Variants in TGFBR3 observed in about 807,000 individuals in gnomAD.
The protein encoded by TGFBR3 is transforming growth factor beta receptor type 3.
In TGFBR3, 46 loss-of-function variants were observed where a neutral mutation model predicts 87.9. The observed-to-expected ratio is 0.52, with a 90% CI of 0.41 to 0.67. TGFBR3 has a LOEUF of 0.67. TGFBR3 is among the 30% of genes least tolerant of loss of function. The pLI is 0.00. For missense variants in TGFBR3, 866 were observed against 1,041.9 expected, an observed-to-expected ratio of 0.83 and a Z score of 2.32; for synonymous variants, 381 against 391.6, an observed-to-expected ratio of 0.97 and a Z score of 0.32.
rs776465887 is a variant in TGFBR3, at chr1:91,805,687, CCCTGGGCCGCTG to C, written c.62-8228_62-8217del. Among the ~76,000 whole-genome samples the C allele has an allele frequency of 2.0e-3, 300 of 152,306 alleles. 4 individuals are homozygous for C. Among genetic ancestry groups the C allele is most frequent in the Non-Finnish European group, 1.8e-3 (121 of 68,014 alleles). ...CCACACTGTGAAGCACATGGTGGCT[CCCTGGGCCGCTG>C]CCTTGTGTGAGAAGCTGGGGGTTAA... On this transcript the variant is annotated intron_variant, in intron 2 of 16. Coordinates refer to ENST00000212355, the MANE Select transcript of TGFBR3 (RefSeq NM_003243.5).
chr1:91,814,013 G>A (rs919087268), intron 2 of TGFBR3, among the ~76,000 whole-genome samples: 8 of 152,152 alleles, frequency 5.3e-5, no homozygotes, highest in South Asian at 2.1e-4. Context: ...TCACTCACCC[G>A]CTGCTCACCT....
At chr1:91,881,887 A>C (rs1234764497) in intron 1 of TGFBR3, among the ~76,000 whole-genome samples, 1 of 151,702 alleles carries the variant, frequency 6.6e-6, no homozygotes, top group Non-Finnish European at 1.5e-5. Flanking sequence ...AAAATATAAA[A>C]AATTAGTCGG....
At chr1:91,739,161 T>C (rs918415032) in intron 4 of TGFBR3, among the ~76,000 whole-genome samples, 11 of 152,152 alleles carry the variant, frequency 7.2e-5, no homozygotes, top group Admixed American at 5.9e-4. Flanking sequence ...GTAAGGACTA[T>C]TGAAACATCT....
chr1:91,833,007 C>CAA lies in TGFBR3; in HGVS notation c.61+28462_61+28463dup, dbSNP rs1394507596. ...TGGGCCACAGAGCAAGAATCTGTCT[C>CAA]AAAAAAAAAAAAAAGCCAGGTGCAG... On this transcript the variant is annotated intron_variant, in intron 2 of 16. Transcript: ENST00000212355. 4.0e-5 allele frequency among the ~76,000 whole-genome samples: 4 copies of CAA among 98,864 alleles called. No individual in the cohort carries two copies. The East Asian group carries it at 1.0e-3, about 25-fold the overall frequency. 64.9% of individuals were successfully genotyped at this position (98,864 alleles called of 152,430 possible).
chr1:91,729,999 C>G, intron 5 of TGFBR3, 26 bp from the exon 6 acceptor site: 1 of 1,613,844 alleles, frequency 6.2e-7, no homozygotes, highest in Non-Finnish European at 8.5e-7. Context: ...GACAATCTGT[C>G]AAACCACTGA....
At chr1:91,800,093 T>C (rs1675543109) in intron 2 of TGFBR3, among the ~76,000 whole-genome samples, 1 of 151,588 alleles carries the variant, frequency 6.6e-6, no homozygotes. Flanking sequence ...AGCGACTCTT[T>C]ACAGAGACCC....
At chr1:91,697,976 T>G (rs951602684) in intron 15 of TGFBR3, 113 bp downstream of exon 15, 10 of 964,692 alleles carry the variant, frequency 1.0e-5, no homozygotes, top group Non-Finnish European at 1.7e-5. Context: ...GAAGGGGGAA[T>G]GAGAGCAGAA....
intron 7 of TGFBR3, 106 bp downstream of exon 7, chr1:91,727,553 T>C: frequency 7.0e-7 from 1 of 1,420,486 alleles, no homozygotes; most frequent in Non-Finnish European, 9.9e-7. Flanking sequence ...TGACAGAGCT[T>C]AGAGAGTCCA....
At chr1:91,868,690 T>C (rs966491654) in intron 1 of TGFBR3, among the ~76,000 whole-genome samples, 4 of 152,170 alleles carry the variant, frequency 2.6e-5, no homozygotes, top group Non-Finnish European at 5.9e-5. Context: ...AAGCTGTAAT[T>C]ATTCGAGCAA....
At chr1:91,760,282 G>A (rs1012421969) in intron 3 of TGFBR3, among the ~76,000 whole-genome samples, 20 of 152,018 alleles carry the variant, frequency 1.3e-4, no homozygotes, top group Admixed American at 3.9e-4. Context: ...TAAATTAGCC[G>A]GGCATAGTAG....
intron 2 of TGFBR3, among the ~76,000 whole-genome samples, chr1:91,848,793 C>G (rs908273723): frequency 2.6e-5 from 4 of 152,104 alleles, no homozygotes; most frequent in African/African-American, 9.7e-5. Context: ...AAGAACAAGA[C>G]TTGGAAATCA....
At chr1:91,698,038 C>A (rs759493090) in intron 15 of TGFBR3, 51 bp downstream of exon 15, 18 of 1,576,906 alleles carry the variant, frequency 1.1e-5, no homozygotes, top group Non-Finnish European at 1.5e-5. Flanking sequence ...CCAACTCATT[C>A]TTAGGAAAGC....
chr1:91,858,501 T>C (rs1294655961), intron 2 of TGFBR3, among the ~76,000 whole-genome samples: 1 of 149,074 alleles, frequency 6.7e-6, no homozygotes, highest in African/African-American at 2.5e-5. Flanking sequence ...TGTACTCCCA[T>C]CTACTCGGGA....
chr1:91,749,582 G>A (rs905896281), intron 4 of TGFBR3, among the ~76,000 whole-genome samples: 12 of 152,204 alleles, frequency 7.9e-5, no homozygotes, highest in African/African-American at 2.4e-5. Context: ...GACTCGAGGT[G>A]CAAGAACCAA....
intron 14 of TGFBR3, among the ~76,000 whole-genome samples, chr1:91,706,285 C>G (rs905723067): frequency 6.6e-6 from 1 of 152,106 alleles, no homozygotes; most frequent in African/African-American, 2.4e-5. Context: ...GAGAAGGTCA[C>G]AAGATACAGG....
intron 3 of TGFBR3, among the ~76,000 whole-genome samples, chr1:91,776,927 G>A (rs1054388374): frequency 2.0e-5 from 3 of 152,158 alleles, no homozygotes; most frequent in African/African-American, 4.8e-5. Flanking sequence ...AAATCTCACC[G>A]TAGTTCTGGA....
chr1:91,742,196 AGTGACT>A (rs1673182400), intron 4 of TGFBR3, among the ~76,000 whole-genome samples: 1 of 152,130 alleles, frequency 6.6e-6, no homozygotes, highest in African/African-American at 2.4e-5. Context: ...GCTGCACACA[AGTGACT>A]GTACAGACCT....
intron 3 of TGFBR3, among the ~76,000 whole-genome samples, chr1:91,771,705 CAAAA>C (rs758894556): frequency 6.0e-5 from 5 of 83,126 alleles, no homozygotes; most frequent in Non-Finnish European, 1.2e-4. Context: ...GACTCTGTCT[CAAAA>C]AAAAAAAAAA....
At chr1:91,780,551 C>A (rs866655303) in intron 3 of TGFBR3, among the ~76,000 whole-genome samples, 1 of 77,166 alleles carries the variant, frequency 1.3e-5, no homozygotes, top group Non-Finnish European at 2.3e-5. Flanking sequence ...GGGTCTAAGG[C>A]TTTTTTTTTT....
Sources: allele counts gnomAD v4.1 joint callset (sites outside exome capture counted in the v4.1 genomes callset), GRCh38; gene constraint gnomAD v4.1.1; transcripts MANE v1.5; gene names NCBI Gene and HGNC (gene_info 2026-07-23, HGNC 2026-07-21).